Variants in MACROD2 observed in about 807,000 individuals in gnomAD.
MACROD2 encodes the protein mono-ADP ribosylhydrolase 2.
MACROD2 carries 36 observed loss-of-function variants against 70.4 expected under a neutral mutation model. The observed-to-expected ratio is 0.51, with a 90% CI of 0.39 to 0.68. MACROD2 has a LOEUF of 0.68. MACROD2 is among the 30% of genes least tolerant of loss of function. The probability of loss-of-function intolerance (pLI) is 0.00; values close to 1 mark genes in which losing one functional copy is unlikely to be tolerated. For missense variants in MACROD2, 496 were observed against 538.4 expected, an observed-to-expected ratio of 0.92 and a Z score of 0.78; for synonymous variants, 172 against 178.8, an observed-to-expected ratio of 0.96 and a Z score of 0.30.
intron 6 of MACROD2, among the ~76,000 whole-genome samples, chr20:15,309,224 A>C (rs901195097): frequency 6.6e-6 from 1 of 152,250 alleles, no homozygotes; most frequent in Admixed American, 6.5e-5. Flanking sequence ...TATAGATTAA[A>C]TGTGAAATCA....
intron 5 of MACROD2, among the ~76,000 whole-genome samples, chr20:14,743,684 T>C (rs1194959259): frequency 2.7e-5 from 4 of 147,420 alleles, no homozygotes; most frequent in African/African-American, 7.3e-5. Context: ...AATAGAAAAT[T>C]AATACACGCG....
At chr20:15,152,897 A>G (rs1285054793) in intron 5 of MACROD2, among the ~76,000 whole-genome samples, 2 of 152,228 alleles carry the variant, frequency 1.3e-5, no homozygotes, top group Admixed American at 1.3e-4. Flanking sequence ...AAAGGAATTG[A>G]AATTAAGAGA....
chr20:14,988,525 G>A (rs1029103698), intron 5 of MACROD2, among the ~76,000 whole-genome samples: 1 of 152,150 alleles, frequency 6.6e-6, no homozygotes, highest in Non-Finnish European at 1.5e-5. Context: ...AAACAGGAAG[G>A]AAGGGTTTCT....
intron 2 of MACROD2, among the ~76,000 whole-genome samples, chr20:14,061,831 A>T (rs1011946096): frequency 6.6e-6 from 1 of 152,124 alleles, no homozygotes; most frequent in Non-Finnish European, 1.5e-5. Context: ...TGCATAGTTT[A>T]CAAAAGTCTG....
chr20:15,041,455 T>C (rs1310014787), intron 5 of MACROD2, among the ~76,000 whole-genome samples: 4 of 152,032 alleles, frequency 2.6e-5, no homozygotes, highest in Non-Finnish European at 4.4e-5. Flanking sequence ...CTCTCTCTCT[T>C]ACTTTTTTGA....
intron 8 of MACROD2, among the ~76,000 whole-genome samples, chr20:15,526,899 A>G (rs1019786702): frequency 3.7e-4 from 56 of 152,318 alleles, no homozygotes; most frequent in African/African-American, 1.3e-3. Context: ...CAAATAATCA[A>G]TATTTCCTAG....
intron 3 of MACROD2, among the ~76,000 whole-genome samples, chr20:14,369,892 A>C (rs1380135024): frequency 6.6e-6 from 1 of 152,206 alleles, no homozygotes; most frequent in Non-Finnish European, 1.5e-5. Context: ...GCAAAAATGC[A>C]ATTTCAAAAA....
chr20:14,166,087 G>A (rs997431032), intron 3 of MACROD2, among the ~76,000 whole-genome samples: 6 of 152,100 alleles, frequency 3.9e-5, no homozygotes, highest in African/African-American at 1.4e-4. Flanking sequence ...TATCAATAGT[G>A]AATGATTTAT....
intron 5 of MACROD2, chr20:14,933,698 A>G (rs1428006582): frequency 1.3e-5 from 2 of 152,102 alleles, no homozygotes; most frequent in African/African-American, 4.8e-5. Context: ...CTTTTGTTTT[A>G]ATGCCATAAT....
chr20:15,764,129 A>G (rs2051482928), intron 8 of MACROD2, among the ~76,000 whole-genome samples: 1 of 152,228 alleles, frequency 6.6e-6, no homozygotes, highest in South Asian at 2.1e-4. Flanking sequence ...GATGAAGAGA[A>G]AGCTGGCTGT....
In MACROD2 at chr20:14,579,686, G is replaced by A. The variant is rs539276357; in HGVS notation, c.301+86178G>A. 5.3e-4 allele frequency among the ~76,000 whole-genome samples: 80 copies of A among 152,194 alleles called. 1 individual carries two copies. The highest frequency in any genetic ancestry group is 1.7e-3 in the South Asian group (8 of 4,814). On this transcript the variant is annotated intron_variant, in intron 4 of 17. Transcript: ENST00000684519. ...TAAATAAGTTATATTTTAAAAACTT[G>A]AAGGAAAAGCCCATTTTTATGTATT...
chr20:14,332,113 A>G (rs2082853612), intron 3 of MACROD2, among the ~76,000 whole-genome samples: 1 of 152,176 alleles, frequency 6.6e-6, no homozygotes, highest in African/African-American at 2.4e-5. Context: ...AGTAAAAAGA[A>G]GAAAAACATA....
At chr20:15,323,460 T>A (rs193152401) in intron 6 of MACROD2, among the ~76,000 whole-genome samples, 4 of 152,292 alleles carry the variant, frequency 2.6e-5, no homozygotes, top group East Asian at 3.9e-4. Context: ...TAAGGATTTT[T>A]AAAAATTAAT....
At chr20:15,996,495 G>A (rs2066634238) in intron 15 of MACROD2, among the ~76,000 whole-genome samples, 1 of 151,900 alleles carries the variant, frequency 6.6e-6, no homozygotes. Context: ...TTGTTGAGAG[G>A]TTTTTGATTA....
intron 5 of MACROD2, among the ~76,000 whole-genome samples, chr20:15,033,961 TAAC>T (rs1365366694): frequency 6.6e-6 from 1 of 152,174 alleles, no homozygotes; most frequent in East Asian, 1.9e-4. Context: ...AATGATAGTC[TAAC>T]AACATCAGTG....
At position 15,986,721 on chromosome 20, in the gene MACROD2, G is replaced by C; in HGVS notation, c.986-6G>C. 1.9e-6 allele frequency: 3 copies of C among 1,606,586 alleles called. No homozygotes were observed. Among genetic ancestry groups the C allele is most frequent in the Non-Finnish European group, 2.6e-6 (3 of 1,173,998 alleles). ...TCTTTTATTTTTCAATCACTGTTTT[G>C]AACAGGACAAGAGAATGATTCAACG... On this transcript the variant is annotated splice_region_variant and splice_polypyrimidine_tract_variant and intron_variant, in intron 13 of 17. Coordinates refer to ENST00000684519, the MANE Select transcript of MACROD2 (RefSeq NM_001351661.2).
At chr20:15,649,070 CCCCTCCCCTTCCCTCCCCTT>C (rs1373929853) in intron 8 of MACROD2, among the ~76,000 whole-genome samples, 8 of 95,442 alleles carry the variant, frequency 8.4e-5, no homozygotes, top group East Asian at 3.7e-4. Context: ...CTTTTCTCCT[CCCCTCCCCTTCCCTCCCCTT>C]CCCTCCCCTC....
At chr20:14,485,925 GAAGAA>G (rs2084724261) in intron 3 of MACROD2, among the ~76,000 whole-genome samples, 1 of 152,080 alleles carries the variant, frequency 6.6e-6, no homozygotes, top group South Asian at 2.1e-4. Flanking sequence ...AATGGAAACA[GAAGAA>G]CAGGGGCCAT....
chr20:15,817,303 G>A (rs1600940250), intron 8 of MACROD2, among the ~76,000 whole-genome samples: 1 of 152,198 alleles, frequency 6.6e-6, no homozygotes, highest in Admixed American at 6.5e-5. Flanking sequence ...GATAGGCTGT[G>A]TTTATTTGAA....
Sources: gnomAD v4.1 joint callset for allele counts (sites outside exome capture counted in the v4.1 genomes callset) on GRCh38, gnomAD v4.1.1 for gene constraint, MANE v1.5 for transcripts, NCBI Gene and HGNC (gene_info 2026-07-23, HGNC 2026-07-21) for gene names.